UBE2Q2: variants seen among roughly 807,000 people sequenced by gnomAD.
UBE2Q2 encodes the protein ubiquitin conjugating enzyme E2 Q2, also known as ubiquitin-conjugating enzyme E2 Q2.
A neutral mutation model predicts 59.9 loss-of-function variants in UBE2Q2; 54 were observed. The observed-to-expected ratio is 0.90, with a 90% CI of 0.72 to 1.13. The LOEUF (loss-of-function observed/expected upper bound fraction) is 1.13. Among genes scored for constraint, UBE2Q2 ranks in the 50% most tolerant of loss-of-function variants. UBE2Q2 has a pLI of 0.00. For missense variants in UBE2Q2, 433 were observed against 441.9 expected (o/e 0.98, Z 0.18); for synonymous variants, 165 against 155.2 (o/e 1.06, Z -0.47).
chr15:75,844,157 A>G (rs956566286), intron 1 of UBE2Q2: 30 of 1,431,134 alleles, frequency 2.1e-5, no homozygotes, highest in African/African-American at 1.3e-4. Flanking sequence ...TGTGGGGTCC[A>G]TGGCCGCCCT....
intron 9 of UBE2Q2, 133 bp from the exon 10 acceptor site, chr15:75,890,302 C>T: frequency 1.5e-6 from 1 of 649,050 alleles, no homozygotes; most frequent in Non-Finnish European, 2.7e-6. Flanking sequence ...GTATCCCTAA[C>T]AACTGTTGTC....
intron 2 of UBE2Q2, among the ~76,000 whole-genome samples, chr15:75,854,918 G>C (rs1896823229): frequency 6.6e-6 from 1 of 151,956 alleles, no homozygotes; most frequent in African/African-American, 2.4e-5. Flanking sequence ...TTTGTTTTTA[G>C]TATATAAAGA....
chr15:75,877,890 T>G, intron 6 of UBE2Q2, 71 bp from the exon 7 acceptor site: 1 of 1,414,934 alleles, frequency 7.1e-7, no homozygotes, highest in Non-Finnish European at 9.8e-7. Flanking sequence ...CTATTTAGTG[T>G]ATACATTTAT....
intron 9 of UBE2Q2, among the ~76,000 whole-genome samples, chr15:75,884,091 A>G (rs117040244): frequency 6.6e-6 from 1 of 152,252 alleles, no homozygotes; most frequent in East Asian, 1.9e-4. Context: ...TGGTAATTGT[A>G]TTGCTTCTTT....
intron 8 of UBE2Q2, 44 bp downstream of exon 8, chr15:75,879,232 C>A: frequency 8.3e-7 from 1 of 1,200,998 alleles, no homozygotes; most frequent in Non-Finnish European, 1.2e-6. Context: ...CAGTGGGGTG[C>A]GTATATTTGT....
intron 1 of UBE2Q2, among the ~76,000 whole-genome samples, chr15:75,850,255 T>G (rs992621270): frequency 6.6e-6 from 1 of 152,196 alleles, no homozygotes; most frequent in African/African-American, 2.4e-5. Flanking sequence ...ATTCTACCAC[T>G]CAGAATATAC....
At chr15:75,896,044 T>G (rs963686468) in intron 11 of UBE2Q2, among the ~76,000 whole-genome samples, 1 of 151,178 alleles carries the variant, frequency 6.6e-6, no homozygotes, top group Non-Finnish European at 1.5e-5. Flanking sequence ...TGTTCTATAC[T>G]GATAAGGAAC....
At chr15:75,851,130 T>G (rs955144572) in intron 1 of UBE2Q2, among the ~76,000 whole-genome samples, 2 of 151,444 alleles carry the variant, frequency 1.3e-5, no homozygotes, top group Non-Finnish European at 2.9e-5. Flanking sequence ...ATCCTGGATA[T>G]TCTTCTTTTT....
intron 8 of UBE2Q2, among the ~76,000 whole-genome samples, chr15:75,880,809 A>G (rs765055259): frequency 1.3e-5 from 2 of 152,180 alleles, no homozygotes; most frequent in South Asian, 2.1e-4. Flanking sequence ...ATGAGATGTA[A>G]TGGTTTAAAA....
chr15:75,873,096 G>T (rs1027230564), intron 4 of UBE2Q2, among the ~76,000 whole-genome samples: 1 of 152,154 alleles, frequency 6.6e-6, no homozygotes, highest in Non-Finnish European at 1.5e-5. Context: ...AACAAACTAG[G>T]AACACTTAAG....
At chr15:75,843,895 G>A in intron 1 of UBE2Q2, 49 bp downstream of exon 1, 1 of 1,498,472 alleles carries the variant, frequency 6.7e-7, no homozygotes. Context: ...GACGGAGAGG[G>A]GGCGCTTCGA....
chr15:75,884,351 T>A (rs1396137850), intron 9 of UBE2Q2, among the ~76,000 whole-genome samples: 2 of 152,270 alleles, frequency 1.3e-5, no homozygotes, highest in African/African-American at 4.8e-5. Context: ...TATGAGTGAC[T>A]GCTTCAGACT....
chr15:75,870,515 C>A (rs886166672), intron 4 of UBE2Q2, among the ~76,000 whole-genome samples: 1 of 152,104 alleles, frequency 6.6e-6, no homozygotes, highest in Admixed American at 6.5e-5. Context: ...CCCAGTTTAC[C>A]ATGAAGCAGC....
Position 75,900,842 on chromosome 15 carries a change from A to C in UBE2Q2, c.*1384A>C, listed in dbSNP as rs1899714759. ...ACAAGTGACAAGGCAGAATTCTTTA[A>C]ATCAGTAAAGTTCCTTAAGCCTAAG... is the stretch of plus-strand genomic sequence containing the variant. On this transcript the variant is annotated 3_prime_UTR_variant, in exon 13 of 13. Coordinates refer to ENST00000267938, the MANE Select transcript of UBE2Q2 (RefSeq NM_173469.4). 2.0e-5 allele frequency: 3 copies of C among 152,674 alleles called. No individual in the cohort carries two copies. Among genetic ancestry groups the C allele is most frequent in the African/African-American group, 4.8e-5 (2 of 41,470 alleles). 9.5% of individuals were successfully genotyped at this position (152,674 alleles called of 1,614,324 possible).
In UBE2Q2 at chr15:75,877,964, T is replaced by G. The variant is rs1410881234; in HGVS notation, c.677T>G (p.Ile226Ser). 2.5e-6 allele frequency: 4 copies of G among 1,613,320 alleles called. No individual in the cohort carries two copies. The highest frequency in any genetic ancestry group is 3.4e-6 in the Non-Finnish European group (4 of 1,179,664). The change falls in exon 7 of 13, where the codon ATT becomes AGT. Residue 226 changes from isoleucine (I) to serine (S), a missense_variant. Ile to Ser is a moderately radical substitution (Grantham distance 142). Coordinates refer to ENST00000267938, the MANE Select transcript of UBE2Q2 (RefSeq NM_173469.4). ...IYRSQSYKTG[I>S]YSVELINDSL... ...AACATGCTCTATATCTTAACAGGGA[T>G]TTATTCAGTGGAACTCATAAATGAC...
chr15:75,843,547 G>A lies in UBE2Q2; in HGVS notation c.-120G>A. ...GCAGCGCTCGACGAGGCGGAGCCGC[G>A]AGAGCGCGGCCCAGGCCGGCCCCGC... On this transcript the variant is annotated 5_prime_UTR_variant, in exon 1 of 13. Transcript: ENST00000267938. 2 of 636,822 alleles carry A rather than the reference G, an allele frequency of 3.1e-6. No homozygotes were observed. Among genetic ancestry groups the A allele is most frequent in the Non-Finnish European group, 4.4e-6 (2 of 457,474 alleles). 39.4% of individuals were successfully genotyped at this position (636,822 alleles called of 1,614,324 possible).
At chr15:75,888,834 TC>T (rs1567041027) in intron 9 of UBE2Q2, among the ~76,000 whole-genome samples, 1 of 152,054 alleles carries the variant, frequency 6.6e-6, no homozygotes, top group Non-Finnish European at 1.5e-5. Flanking sequence ...CTCCCTTTCT[TC>T]CCCCCACCTC....
intron 8 of UBE2Q2, among the ~76,000 whole-genome samples, chr15:75,882,294 A>C (rs1177069938): frequency 6.6e-6 from 1 of 152,170 alleles, no homozygotes; most frequent in Non-Finnish European, 1.5e-5. Flanking sequence ...ATATGTACTA[A>C]GGTAACTGAA....
At position 75,860,048 on chromosome 15, in the gene UBE2Q2, A is replaced by G. The variant is rs1430752416; in HGVS notation, c.387+66A>G. On this transcript the variant is annotated intron_variant, in intron 3 of 12. Transcript: ENST00000267938. ...TGTCTCAAGCAAAAGTCAAACTAGG[A>G]TGATTTTTCTTTTTATTGTTCAACT... The G allele has an allele frequency of 8.7e-7, 1 of 1,143,704 alleles. No homozygotes were observed. Among genetic ancestry groups the G allele is most frequent in the Non-Finnish European group, 1.3e-6 (1 of 793,310 alleles). 70.8% of individuals were successfully genotyped at this position (1,143,704 alleles called of 1,614,324 possible). A position where few individuals can be genotyped will look rare whatever the true frequency, so the allele number is the denominator to read the frequency against.
Sources: gnomAD v4.1 joint callset for allele counts (sites outside exome capture counted in the v4.1 genomes callset) on GRCh38, gnomAD v4.1.1 for gene constraint, MANE v1.5 for transcripts, NCBI Gene and HGNC (gene_info 2026-07-23, HGNC 2026-07-21) for gene names.